CCDC13: variants seen among roughly 807,000 people sequenced by gnomAD.
The protein encoded by CCDC13 is coiled-coil domain containing 13.
A neutral mutation model predicts 87.3 loss-of-function variants in CCDC13; 70 were observed. The ratio of observed to expected loss-of-function variants is 0.80; its 90% CI spans 0.66 to 0.98. The LOEUF (loss-of-function observed/expected upper bound fraction) is 0.98, where lower values mean the gene tolerates loss of function less well. CCDC13 is among the 50% of genes least tolerant of loss of function. The probability of loss-of-function intolerance (pLI) is 0.00; values close to 1 mark genes in which losing one functional copy is unlikely to be tolerated. For missense variants in CCDC13, 842 were observed against 892.0 expected (o/e 0.94, Z 0.71); for synonymous variants, 317 against 360.3 (o/e 0.88, Z 1.36).
chr3:42,744,324 G>C (rs925328603), intron 7 of CCDC13, among the ~76,000 whole-genome samples: 1 of 152,050 alleles, frequency 6.6e-6, no homozygotes, highest in African/African-American at 2.4e-5. Context: ...TTCTGACCCT[G>C]GTTTCCCTAT....
intron 13 of CCDC13, among the ~76,000 whole-genome samples, chr3:42,727,167 T>C (rs989744480): frequency 6.6e-6 from 1 of 151,624 alleles, no homozygotes; most frequent in Non-Finnish European, 1.5e-5. Context: ...AGGTCAGGAG[T>C]TCGAAATCAG....
At chr3:42,758,015 T>C in intron 2 of CCDC13, 110 bp downstream of exon 2, 2 of 866,700 alleles carry the variant, frequency 2.3e-6, no homozygotes, top group South Asian at 3.4e-5. Context: ...TAAGCTTCCT[T>C]CTATCACTTT....
chr3:42,740,100 C>T (rs1223454687), intron 8 of CCDC13, among the ~76,000 whole-genome samples: 2 of 152,168 alleles, frequency 1.3e-5, no homozygotes, highest in African/African-American at 4.8e-5. Flanking sequence ...GAGAGGAAAG[C>T]CGCCAGCCAA....
chr3:42,715,358 C>A (rs1230844208), intron 13 of CCDC13, among the ~76,000 whole-genome samples: 1 of 151,786 alleles, frequency 6.6e-6, no homozygotes, highest in Non-Finnish European at 1.5e-5. Context: ...TGGCTCACGC[C>A]TGTGCTTTGG....
chr3:42,752,341 G>A (rs1342305954), intron 4 of CCDC13, among the ~76,000 whole-genome samples: 1 of 152,170 alleles, frequency 6.6e-6, no homozygotes, highest in African/African-American at 2.4e-5. Context: ...GGGCAAAAAA[G>A]AATGATGGAT....
intron 1 of CCDC13, among the ~76,000 whole-genome samples, chr3:42,769,435 AG>A (rs1465156482): frequency 1.3e-5 from 2 of 152,242 alleles, no homozygotes; most frequent in African/African-American, 2.4e-5. Flanking sequence ...TCTTTTTCAA[AG>A]CTAAACAGTC....
chr3:42,769,163 G>A (rs1699999906), intron 1 of CCDC13, among the ~76,000 whole-genome samples: 2 of 151,880 alleles, frequency 1.3e-5, no homozygotes, highest in African/African-American at 4.8e-5. Context: ...AAGAAAAGTG[G>A]GCAAAAGATC....
chr3:42,732,471 C>A, intron 12 of CCDC13: 1 of 190,542 alleles, frequency 5.2e-6, no homozygotes, highest in Non-Finnish European at 1.1e-5. Flanking sequence ...AACAAAGGGC[C>A]CATTTACACC....
intron 13 of CCDC13, among the ~76,000 whole-genome samples, chr3:42,715,311 A>C (rs1575271046): frequency 1.8e-4 from 2 of 11,416 alleles, no homozygotes; most frequent in East Asian, 0.25. Context: ...CTCTGTCTCA[A>C]AAAAAAAAAA....
At position 42,766,064 on chromosome 3, in the gene CCDC13, G is replaced by C. The variant is rs1202910665; in HGVS notation, c.-7+7112C>G. On this transcript the variant is annotated intron_variant, in intron 1 of 15. Transcript: ENST00000310232. ...AGCAGTGGAGATGGAGGAGGGGGAAGAGGAATTGCTGCCAAATGGAAGGGA... is the reference window on the plus strand; with the variant it reads ...AGCAGTGGAGATGGAGGAGGGGGAACAGGAATTGCTGCCAAATGGAAGGGA... Among the ~76,000 whole-genome samples the C allele has an allele frequency of 2.6e-5, 4 of 152,310 alleles. No individual in the cohort carries two copies. The East Asian group carries it at 5.8e-4, about 22-fold the overall frequency.
intron 13 of CCDC13, among the ~76,000 whole-genome samples, chr3:42,714,546 C>A (rs1439066107): frequency 6.6e-6 from 1 of 152,212 alleles, no homozygotes; most frequent in Non-Finnish European, 1.5e-5. Flanking sequence ...TAGGTCCTTC[C>A]TGTGGCTAGG....
intron 5 of CCDC13, among the ~76,000 whole-genome samples, chr3:42,748,783 A>G (rs1699490539): frequency 6.6e-6 from 1 of 152,178 alleles, no homozygotes; most frequent in South Asian, 2.1e-4. Flanking sequence ...GCCAACGTGA[A>G]CAGAATGTGC....
At chr3:42,758,712 A>T (rs1394984756) in intron 1 of CCDC13, among the ~76,000 whole-genome samples, 2 of 152,234 alleles carry the variant, frequency 1.3e-5, no homozygotes, top group Non-Finnish European at 2.9e-5. Flanking sequence ...TTTCCAGACC[A>T]GCTAAATCCC....
At chr3:42,732,608 T>C (rs1422185481) in intron 12 of CCDC13, 15 of 464,322 alleles carry the variant, frequency 3.2e-5, no homozygotes, top group Non-Finnish European at 5.0e-5. Flanking sequence ...TGAGGGAAGG[T>C]GCTAGAAGCC....
chr3:42,739,483 T>A, intron 9 of CCDC13, 151 bp downstream of exon 9: 2 of 815,096 alleles, frequency 2.5e-6, no homozygotes, highest in Non-Finnish European at 1.9e-6. Context: ...GGGGCAGGGC[T>A]TTGGTACTGG....
intron 13 of CCDC13, among the ~76,000 whole-genome samples, chr3:42,714,586 A>G (rs1410406309): frequency 6.6e-6 from 1 of 152,206 alleles, no homozygotes; most frequent in African/African-American, 2.4e-5. Flanking sequence ...ATGATACTAA[A>G]GGTTCATTTA....
Position 42,735,748 on chromosome 3 carries a change from C to T in CCDC13, c.1330G>A (p.Val444Met), listed in dbSNP as rs114512148. ...CCGATCTCCATCTCCAGCTGTCGCA[C>T]TTTGGCCTCCCGCTCAGCTACCATG... ...QAMVAEREAK[V>M]RQLEMEIGQL... Residue 444 changes from valine to methionine, a missense_variant, in exon 10 of 16, where the codon GTG becomes ATG. By Grantham distance (21) the Val-to-Met change is conservative (BLOSUM62 1). Transcript: ENST00000310232. 6.7e-4 allele frequency: 1,074 copies of T among 1,614,244 alleles called. 3 individuals are homozygous for T. In the African/African-American group the frequency reaches 0.011, roughly 17 times the overall value.
chr3:42,745,629 G>T, intron 7 of CCDC13: 1 of 230,022 alleles, frequency 4.3e-6, no homozygotes, highest in Non-Finnish European at 8.3e-6. Flanking sequence ...CATAAACTAA[G>T]AAAAAAAAAA....
rs1289165204 is a variant in CCDC13, at chr3:42,762,472, C to T, written c.-6-4121G>A. Reference sequence around the variant, plus strand: ...GATTCATTGCCAGGTGCAGGGTAGGCTGGAGGGGGCTGGAGATCGAGTGAC... The same window carrying T: ...GATTCATTGCCAGGTGCAGGGTAGGTTGGAGGGGGCTGGAGATCGAGTGAC... On this transcript the variant is annotated intron_variant, in intron 1 of 15. Transcript: ENST00000310232. Among the ~76,000 whole-genome samples the T allele has an allele frequency of 2.0e-5, 3 of 152,278 alleles. No individual in the cohort carries two copies. In the East Asian group the frequency reaches 5.8e-4, roughly 29 times the overall value.
Sources: gnomAD v4.1 joint callset for allele counts (sites outside exome capture counted in the v4.1 genomes callset) on GRCh38, gnomAD v4.1.1 for gene constraint, MANE v1.5 for transcripts, NCBI Gene and HGNC (gene_info 2026-07-23, HGNC 2026-07-21) for gene names.